Variants in ZNG1E observed in about 807,000 individuals in gnomAD.
ZNG1E encodes the protein Zn regulated GTPase metalloprotein activator 1E, also known as zinc-regulated GTPase metalloprotein activator 1E.
At chr9:65,689,045 C>CT in the ZNG1E span, 1 of 95,678 alleles carries the variant, frequency 1.0e-5, no homozygotes, top group African/African-American at 3.6e-5. Flanking sequence ...ATTTTGTAAA[C>CT]TATTTCCCTA....
chr9:65,710,786 T>C, the ZNG1E span, among the ~76,000 whole-genome samples: 7 of 148,862 alleles, frequency 4.7e-5, no homozygotes, highest in Admixed American at 6.7e-5. Context: ...AGTCAGGTAG[T>C]GTGATGCCTC....
At chr9:65,676,576 T>TA in the ZNG1E span, among the ~76,000 whole-genome samples, 1 of 150,626 alleles carries the variant, frequency 6.6e-6, no homozygotes, top group Non-Finnish European at 1.5e-5. Flanking sequence ...CGTCAGCAGA[T>TA]TCCCCTTCCC....
chr9:65,684,767 C>A, the ZNG1E span, among the ~76,000 whole-genome samples: 2 of 152,202 alleles, frequency 1.3e-5, no homozygotes, highest in Non-Finnish European at 2.9e-5. Context: ...ATAAGCCCTT[C>A]AGGTGATTCT....
At chr9:65,681,336 A>G in the ZNG1E span, among the ~76,000 whole-genome samples, 14 of 152,364 alleles carry the variant, frequency 9.2e-5, no homozygotes, top group African/African-American at 3.4e-4. Flanking sequence ...AGGAGGAAGT[A>G]GGTATGTTTA....
At chr9:65,658,557 A>C in the ZNG1E span, among the ~76,000 whole-genome samples, 2 of 71,726 alleles carry the variant, frequency 2.8e-5, no homozygotes, top group South Asian at 5.1e-4. Flanking sequence ...ATGAGTTCTC[A>C]GATTGTAAGA....
the ZNG1E span, among the ~76,000 whole-genome samples, chr9:65,660,843 ATAT>A: frequency 7.1e-6 from 1 of 140,632 alleles, no homozygotes; most frequent in African/African-American, 2.6e-5. Context: ...ATATATATAT[ATAT>A]ATATATATAA....
the ZNG1E span, among the ~76,000 whole-genome samples, chr9:65,669,630 T>A: frequency 1.4e-5 from 2 of 147,576 alleles, no homozygotes; most frequent in Non-Finnish European, 3.0e-5. Flanking sequence ...GTTTTCTTTT[T>A]TTTTTAAATT....
At chr9:65,654,693 CA>C in the ZNG1E span, among the ~76,000 whole-genome samples, 5 of 138,132 alleles carry the variant, frequency 3.6e-5, no homozygotes, top group African/African-American at 1.4e-4. Flanking sequence ...CCCCCTGACC[CA>C]AACACCTCCA....
At chr9:65,671,611 T>C in the ZNG1E span, among the ~76,000 whole-genome samples, 6 of 152,250 alleles carry the variant, frequency 3.9e-5, no homozygotes, top group Non-Finnish European at 2.9e-5. Context: ...TGAGCCACTG[T>C]GTCTGGCTGA....
At chr9:65,684,020 A>G in the ZNG1E span, among the ~76,000 whole-genome samples, 1 of 152,274 alleles carries the variant, frequency 6.6e-6, no homozygotes, top group African/African-American at 2.4e-5. Context: ...AGTTTAATTA[A>G]ACACGATTCA....
the ZNG1E span, among the ~76,000 whole-genome samples, chr9:65,663,578 C>A: frequency 3.2e-4 from 47 of 145,024 alleles, no homozygotes; most frequent in African/African-American, 1.1e-3. Context: ...TTTAGCCATT[C>A]CCCTATAGTT....
chr9:65,710,967 T>C, the ZNG1E span, among the ~76,000 whole-genome samples: 121 of 145,668 alleles, frequency 8.3e-4, no homozygotes, highest in African/African-American at 3.1e-3. Context: ...TTTCACGATA[T>C]TGATTCTTCC....
chr9:65,716,465 T>C, the ZNG1E span, among the ~76,000 whole-genome samples: 8 of 151,064 alleles, frequency 5.3e-5, no homozygotes, highest in African/African-American at 1.7e-4. Flanking sequence ...GCCTTATATA[T>C]GTATTTCTAA....
the ZNG1E span, among the ~76,000 whole-genome samples, chr9:65,702,121 CT>C: frequency 2.0e-5 from 3 of 149,308 alleles, no homozygotes; most frequent in African/African-American, 7.5e-5. Context: ...AGCCATCAGA[CT>C]AGAGTGTATT....
At chr9:65,710,493 A>T in the ZNG1E span, among the ~76,000 whole-genome samples, 1 of 151,734 alleles carries the variant, frequency 6.6e-6, no homozygotes, top group Non-Finnish European at 1.5e-5. Context: ...TTTAGGTCAA[A>T]CGTTTAAGTC....
the ZNG1E span, among the ~76,000 whole-genome samples, chr9:65,728,207 A>G: frequency 3.9e-5 from 6 of 152,368 alleles, no homozygotes; most frequent in East Asian, 7.7e-4. Flanking sequence ...AATGACAATA[A>G]TGACACAACC....
chr9:65,677,518 C>T, the ZNG1E span, among the ~76,000 whole-genome samples: 117 of 152,076 alleles, frequency 7.7e-4, no homozygotes, highest in African/African-American at 2.4e-3. Context: ...TCTGAAACTT[C>T]GTCTGTTACC....
chr9:65,728,856 A>G, the ZNG1E span, among the ~76,000 whole-genome samples: 1 of 151,330 alleles, frequency 6.6e-6, no homozygotes, highest in Middle Eastern at 3.2e-3. Flanking sequence ...TCCTCCCTAA[A>G]TCATGAAGCC....
At chr9:65,684,569 C>CAA in the ZNG1E span, among the ~76,000 whole-genome samples, 1 of 149,940 alleles carries the variant, frequency 6.7e-6, no homozygotes, top group Non-Finnish European at 1.5e-5. Context: ...CACACACACA[C>CAA]ATTCATACAC....
Sources: gnomAD v4.1 joint callset for allele counts (sites outside exome capture counted in the v4.1 genomes callset) on GRCh38, gnomAD v4.1.1 for gene constraint, MANE v1.5 for transcripts, NCBI Gene and HGNC (gene_info 2026-07-23, HGNC 2026-07-21) for gene names.